DLG2: variants seen among roughly 807,000 people sequenced by gnomAD.
The protein encoded by DLG2 is disks large homolog 2.
In DLG2, 45 loss-of-function variants were observed where a neutral mutation model predicts 132.5. The ratio of observed to expected loss-of-function variants is 0.34; its 90% CI spans 0.27 to 0.44. The LOEUF (loss-of-function observed/expected upper bound fraction) is 0.44, where lower values mean the gene tolerates loss of function less well. Among genes scored for constraint, DLG2 ranks in the 20% least tolerant of loss-of-function variants. The probability of loss-of-function intolerance (pLI) is 1.00; values close to 1 mark genes in which losing one functional copy is unlikely to be tolerated. For missense variants in DLG2, 1,045 were observed against 1,196.9 expected (o/e 0.87, Z 1.87); for synonymous variants, 424 against 419.6 (o/e 1.01, Z -0.13).
chr11:85,010,575 A>G (rs918273773), intron 6 of DLG2, among the ~76,000 whole-genome samples: 1 of 152,042 alleles, frequency 6.6e-6, no homozygotes, highest in Non-Finnish European at 1.5e-5. Flanking sequence ...TTCTTCTAGT[A>G]TTATTTCTGT....
At chr11:84,840,652 T>C (rs1276919549) in intron 6 of DLG2, among the ~76,000 whole-genome samples, 1 of 152,132 alleles carries the variant, frequency 6.6e-6, no homozygotes, top group African/African-American at 2.4e-5. Context: ...CATGGAATAC[T>C]ATGCAGCCAT....
At chr11:84,202,644 TGCACAGCAAAA>T (rs2096611656) in intron 8 of DLG2, among the ~76,000 whole-genome samples, 1 of 152,196 alleles carries the variant, frequency 6.6e-6, no homozygotes, top group African/African-American at 2.4e-5. Flanking sequence ...AAAGACCTTC[TGCACAGCAAAA>T]GAAACTATCA....
intron 16 of DLG2, among the ~76,000 whole-genome samples, chr11:83,872,560 C>T (rs886465675): frequency 6.6e-6 from 1 of 152,080 alleles, no homozygotes; most frequent in African/African-American, 2.4e-5. Context: ...TAGGGTAACA[C>T]CTTTACATTT....
chr11:85,424,524 G>A (rs1368248093), intron 3 of DLG2, among the ~76,000 whole-genome samples: 1 of 152,214 alleles, frequency 6.6e-6, no homozygotes, highest in Non-Finnish European at 1.5e-5. Flanking sequence ...CCAGTTAGCA[G>A]AGTCAATAAA....
chr11:83,553,827 C>T (rs2096453853), intron 19 of DLG2, among the ~76,000 whole-genome samples: 1 of 151,068 alleles, frequency 6.6e-6, no homozygotes, highest in African/African-American at 2.4e-5. Flanking sequence ...TATGTTTATA[C>T]TTTTAGTATT....
intron 7 of DLG2, among the ~76,000 whole-genome samples, chr11:84,466,526 C>T (rs993709984): frequency 2.0e-5 from 3 of 151,130 alleles, no homozygotes; most frequent in Non-Finnish European, 4.4e-5. Context: ...AAATGGCTCC[C>T]AAACATATGA....
intron 4 of DLG2, among the ~76,000 whole-genome samples, chr11:85,180,846 G>T (rs186919244): frequency 6.6e-6 from 1 of 151,726 alleles, no homozygotes; most frequent in African/African-American, 2.4e-5. Flanking sequence ...CAGTTTTTCT[G>T]TCTTGGATAA....
At chr11:85,520,653 T>TAA (rs570400058) in intron 3 of DLG2, among the ~76,000 whole-genome samples, 3 of 144,674 alleles carry the variant, frequency 2.1e-5, no homozygotes, top group East Asian at 2.0e-4. Flanking sequence ...GGTATTGGCA[T>TAA]AAAAAAAAAA....
At chr11:85,281,536 A>G (rs182977114) in intron 4 of DLG2, among the ~76,000 whole-genome samples, 7 of 152,176 alleles carry the variant, frequency 4.6e-5, no homozygotes, top group Admixed American at 4.6e-4. Context: ...GATATTCTGT[A>G]TGCCTTTTGG....
chr11:85,081,133 G>T (rs1466952607), intron 6 of DLG2, among the ~76,000 whole-genome samples: 1 of 151,978 alleles, frequency 6.6e-6, no homozygotes, highest in African/African-American at 2.4e-5. Flanking sequence ...TACCAAAAAG[G>T]AAAAAATAAA....
intron 6 of DLG2, among the ~76,000 whole-genome samples, chr11:84,580,236 T>C (rs2099513182): frequency 1.3e-5 from 2 of 152,324 alleles, no homozygotes; most frequent in South Asian, 4.1e-4. Context: ...GACATTTTCC[T>C]GGATCATAAA....
intron 14 of DLG2, among the ~76,000 whole-genome samples, chr11:83,937,051 A>G (rs2081592219): frequency 6.6e-6 from 1 of 152,218 alleles, no homozygotes; most frequent in Non-Finnish European, 1.5e-5. Context: ...CTGCTTTTAA[A>G]GGCTTTGTAT....
At chr11:84,006,576 G>A (rs2094584002) in intron 11 of DLG2, among the ~76,000 whole-genome samples, 1 of 147,918 alleles carries the variant, frequency 6.8e-6, no homozygotes. Flanking sequence ...TAAAGTGGTG[G>A]ATGCCTCAAA....
chr11:84,978,138 T>G (rs2055188055), intron 6 of DLG2, among the ~76,000 whole-genome samples: 1 of 152,138 alleles, frequency 6.6e-6, no homozygotes, highest in Non-Finnish European at 1.5e-5. Flanking sequence ...AATTGCCTAC[T>G]TCCTAAAGGA....
intron 6 of DLG2, among the ~76,000 whole-genome samples, chr11:84,560,927 T>C (rs2099427511): frequency 6.6e-6 from 1 of 152,140 alleles, no homozygotes; most frequent in African/African-American, 2.4e-5. Context: ...ATTGGGCATC[T>C]GTCATCAGCT....
chr11:84,479,889 T>G (rs1361098613), intron 7 of DLG2, among the ~76,000 whole-genome samples: 4 of 152,156 alleles, frequency 2.6e-5, no homozygotes, highest in African/African-American at 9.7e-5. Context: ...CAATTATTTA[T>G]CTCAGGGAGA....
intron 3 of DLG2, among the ~76,000 whole-genome samples, chr11:85,543,536 G>A (rs2076109228): frequency 6.6e-6 from 1 of 152,142 alleles, no homozygotes; most frequent in South Asian, 2.1e-4. Flanking sequence ...GGTATTTCTA[G>A]TTCTAGATCC....
chr11:83,913,000 T>G (rs1231568120), intron 15 of DLG2, among the ~76,000 whole-genome samples: 1 of 152,128 alleles, frequency 6.6e-6, no homozygotes, highest in Non-Finnish European at 1.5e-5. Context: ...ATCTCTATTT[T>G]AATTCAAATT....
At chr11:84,066,778 A>T (rs1396048325) in intron 10 of DLG2, among the ~76,000 whole-genome samples, 2 of 152,086 alleles carry the variant, frequency 1.3e-5, no homozygotes, top group Non-Finnish European at 2.9e-5. Context: ...GAAAAAAAGT[A>T]AAAAAAGGTA....
Sources: allele counts gnomAD v4.1 joint callset (sites outside exome capture counted in the v4.1 genomes callset), GRCh38; gene constraint gnomAD v4.1.1; transcripts MANE v1.5; gene names NCBI Gene and HGNC (gene_info 2026-07-23, HGNC 2026-07-21).